Variants in INPP4B observed in about 807,000 individuals in gnomAD.
INPP4B encodes the protein inositol polyphosphate-4-phosphatase type II B, also known as inositol polyphosphate 4-phosphatase type II.
INPP4B carries 55 observed loss-of-function variants against 122.5 expected under a neutral mutation model. The observed-to-expected ratio is 0.45, with a 90% CI of 0.36 to 0.56. The LOEUF (loss-of-function observed/expected upper bound fraction) is 0.56, where lower values mean the gene tolerates loss of function less well. Among genes scored for constraint, INPP4B ranks in the 20% least tolerant of loss-of-function variants. The pLI, the probability that INPP4B is intolerant of heterozygous loss-of-function variation, is 0.00. For synonymous variants in INPP4B, 403 were observed against 388.7 expected (o/e 1.04, Z -0.43); for missense variants, 1,000 against 1,097.7 (o/e 0.91, Z 1.26).
chr4:142,772,244 A>C (rs1437231477), intron 1 of INPP4B, among the ~76,000 whole-genome samples: 3 of 152,180 alleles, frequency 2.0e-5, no homozygotes, highest in Non-Finnish European at 4.4e-5. Context: ...TAATGTGGGA[A>C]GAAGGTACTA....
At chr4:142,494,376 A>G (rs940552296) in intron 2 of INPP4B, among the ~76,000 whole-genome samples, 2 of 152,166 alleles carry the variant, frequency 1.3e-5, no homozygotes, top group Non-Finnish European at 2.9e-5. Context: ...TTCAGTTGAA[A>G]AATAATAAAA....
At chr4:142,563,373 G>A (rs1730881250) in intron 2 of INPP4B, among the ~76,000 whole-genome samples, 1 of 152,100 alleles carries the variant, frequency 6.6e-6, no homozygotes, top group African/African-American at 2.4e-5. Context: ...AGATGCAAAG[G>A]GTTCTCCAGA....
Position 142,717,024 on chromosome 4 carries a change from T to C in INPP4B, c.-191+8815A>G, listed in dbSNP as rs190550370. On this transcript the variant is annotated intron_variant, in intron 2 of 25. Coordinates refer to ENST00000262992, the MANE Select transcript of INPP4B (RefSeq NM_001101669.3). ...ATGATCAATCTTATTATTTCTATTT[T>C]CTAGTTTTGTCTTCATAATAACCCT... 3.5e-4 allele frequency among the ~76,000 whole-genome samples: 53 copies of C among 152,358 alleles called. No individual in the cohort carries two copies. In the East Asian group the frequency reaches 6.8e-3, roughly 19 times the overall value.
In INPP4B at chr4:142,086,201, A is replaced by G; in HGVS notation, c.2430T>C (p.Leu810=). The change falls in exon 24 of 26, where the codon CTT becomes CTC. Residue 810 remains leucine, a synonymous_variant. Transcript: ENST00000262992. ...TTCTTTTTTTGGATTGGATATTTTGAAGGAGATTTTCTAGCAATGCTTTTA... is the reference window on the plus strand; with the variant it reads ...TTCTTTTTTTGGATTGGATATTTTGGAGGAGATTTTCTAGCAATGCTTTTA... ...NDLKALLENL[L]QNIQSKKRKN... 6.2e-7 allele frequency: 1 copy of G among 1,605,228 alleles called. No individual in the cohort carries two copies. The highest frequency in any genetic ancestry group is 8.5e-7 in the Non-Finnish European group (1 of 1,172,022).
intron 12 of INPP4B, among the ~76,000 whole-genome samples, chr4:142,227,637 G>T (rs1159473661): frequency 6.6e-6 from 1 of 151,668 alleles, no homozygotes; most frequent in Non-Finnish European, 1.5e-5. Flanking sequence ...AAGGCAGGTG[G>T]ATCACTTGAG....
chr4:142,247,166 C>T (rs1251142413), intron 11 of INPP4B, among the ~76,000 whole-genome samples: 1 of 152,142 alleles, frequency 6.6e-6, no homozygotes, highest in African/African-American at 2.4e-5. Flanking sequence ...GGTGGATAAG[C>T]TTTTTGATAT....
intron 2 of INPP4B, among the ~76,000 whole-genome samples, chr4:142,598,927 C>G: frequency 6.6e-6 from 1 of 152,174 alleles, no homozygotes; most frequent in East Asian, 1.9e-4. Context: ...GCCAAGTGCA[C>G]CCTTGCTGGT....
rs569763984 is a variant in INPP4B, at chr4:142,787,700, G to A, written c.-254+58509C>T. On this transcript the variant is annotated intron_variant, in intron 1 of 25. Coordinates refer to ENST00000262992, the MANE Select transcript of INPP4B (RefSeq NM_001101669.3). ...TCCAAATTCTGCTTTGGGTAAAGTA[G>A]TAAGTTGGTGTTTAAAGAATAAAAA... Among the ~76,000 whole-genome samples the A allele has an allele frequency of 5.9e-5, 9 of 152,162 alleles. No individual in the cohort carries two copies. In the East Asian group the frequency reaches 1.7e-3, roughly 29 times the overall value.
In INPP4B at chr4:142,519,876, A is replaced by G. The variant is rs940702388; in HGVS notation, c.-190-57150T>C. Among the ~76,000 whole-genome samples the G allele has an allele frequency of 4.6e-5, 7 of 152,214 alleles. No individual in the cohort carries two copies. In the East Asian group the frequency reaches 1.4e-3, roughly 29 times the overall value. Reference sequence around the variant, plus strand: ...AAAACGACAAAGCAGATGAAAGATCATATCTTTGAAAACTTTTGGATACCT... The same window carrying G: ...AAAACGACAAAGCAGATGAAAGATCGTATCTTTGAAAACTTTTGGATACCT... On this transcript the variant is annotated intron_variant, in intron 2 of 25. Transcript: ENST00000262992.
At chr4:142,085,489 T>A (rs1354123829) in intron 24 of INPP4B, among the ~76,000 whole-genome samples, 1 of 152,218 alleles carries the variant, frequency 6.6e-6, no homozygotes, top group Non-Finnish European at 1.5e-5. Flanking sequence ...ATAAATTTCA[T>A]GTGAGCTATG....
chr4:142,084,090 TAAAG>T (rs1289124472), intron 24 of INPP4B, among the ~76,000 whole-genome samples: 2 of 152,116 alleles, frequency 1.3e-5, no homozygotes, highest in Non-Finnish European at 2.9e-5. Context: ...TATTTAAACT[TAAAG>T]AAGAAAAAAA....
chr4:142,753,223 A>G (rs1769993952), intron 1 of INPP4B, among the ~76,000 whole-genome samples: 1 of 152,150 alleles, frequency 6.6e-6, no homozygotes, highest in African/African-American at 2.4e-5. Context: ...GCTCTAATAA[A>G]GTGACAATTT....
chr4:142,618,994 A>G (rs1313657939), intron 2 of INPP4B, among the ~76,000 whole-genome samples: 11 of 152,046 alleles, frequency 7.2e-5, no homozygotes, highest in African/African-American at 1.4e-4. Flanking sequence ...ATGCTGCCCA[A>G]CATCACTCAT....
chr4:142,735,247 T>C (rs1766688264), intron 1 of INPP4B, among the ~76,000 whole-genome samples: 2 of 152,348 alleles, frequency 1.3e-5, no homozygotes, highest in African/African-American at 2.4e-5. Flanking sequence ...TGAGAAATTC[T>C]TAAAATTTGG....
chr4:142,675,692 C>T (rs1312609125), intron 2 of INPP4B, among the ~76,000 whole-genome samples: 2 of 152,140 alleles, frequency 1.3e-5, no homozygotes, highest in South Asian at 2.1e-4. Context: ...TCTGGTTCAA[C>T]ATACATAATT....
intron 7 of INPP4B, among the ~76,000 whole-genome samples, chr4:142,325,519 G>A (rs937292432): frequency 1.3e-5 from 2 of 152,100 alleles, no homozygotes; most frequent in South Asian, 4.1e-4. Context: ...CACTAAATGC[G>A]ATCATCTTTC....
rs1192233306 is a variant in INPP4B, at chr4:142,302,817, A to G, written c.503+2641T>C. ...ATTGAGATAAAAAAGAAGTAAGGGG[A>G]GACAGGAACTACCAAATGCACAGTA... is the stretch of plus-strand genomic sequence containing the variant. On this transcript the variant is annotated intron_variant, in intron 9 of 25. Transcript: ENST00000262992. Among the ~76,000 whole-genome samples the G allele has an allele frequency of 2.6e-5, 4 of 152,294 alleles. No homozygotes were observed. The East Asian group carries it at 7.7e-4, about 29-fold the overall frequency.
At chr4:142,701,710 C>G (rs2150759846) in intron 2 of INPP4B, among the ~76,000 whole-genome samples, 1 of 152,032 alleles carries the variant, frequency 6.6e-6, no homozygotes, top group East Asian at 1.9e-4. Flanking sequence ...GGAGTTAGTA[C>G]CTCTACCTTG....
At chr4:142,529,063 T>C (rs2149974002) in intron 2 of INPP4B, among the ~76,000 whole-genome samples, 1 of 152,244 alleles carries the variant, frequency 6.6e-6, no homozygotes, top group African/African-American at 2.4e-5. Flanking sequence ...GTTTTCGATG[T>C]CGCAAAATGA....
Sources: allele counts gnomAD v4.1 joint callset (sites outside exome capture counted in the v4.1 genomes callset), GRCh38; gene constraint gnomAD v4.1.1; transcripts MANE v1.5; gene names NCBI Gene and HGNC (gene_info 2026-07-23, HGNC 2026-07-21).